Variants in CDH12 observed in about 807,000 individuals in gnomAD.
The protein encoded by CDH12 is cadherin-12.
CDH12 carries 41 observed loss-of-function variants against 74.1 expected under a neutral mutation model. The ratio of observed to expected loss-of-function variants is 0.55; its 90% CI spans 0.43 to 0.72. The LOEUF is 0.72. CDH12 is among the 30% of genes least tolerant of loss of function. CDH12 has a pLI of 0.00. For missense variants in CDH12, 945 were observed against 977.2 expected (o/e 0.97, Z 0.44); for synonymous variants, 399 against 355.0 (o/e 1.12, Z -1.39).
intron 1 of CDH12, among the ~76,000 whole-genome samples, chr5:22,532,350 G>GATATATATATAT (rs71609770): frequency 0.032 from 889 of 27,400 alleles, 180 homozygotes; most frequent in Middle Eastern, 0.044. Context: ...ATATAAATAG[G>GATATATATATAT]ATATATATAT....
intron 3 of CDH12, among the ~76,000 whole-genome samples, chr5:22,241,944 T>G (rs908489394): frequency 6.6e-6 from 1 of 152,130 alleles, no homozygotes; most frequent in Non-Finnish European, 1.5e-5. Flanking sequence ...AAATCATATA[T>G]GGAAAGGTTT....
At chr5:22,377,812 C>T (rs1000059276) in intron 3 of CDH12, among the ~76,000 whole-genome samples, 1 of 152,116 alleles carries the variant, frequency 6.6e-6, no homozygotes, top group African/African-American at 2.4e-5. Flanking sequence ...AAATTCCTAA[C>T]AGTAAAAACT....
chr5:21,978,924 C>A (rs1757185909), intron 5 of CDH12, among the ~76,000 whole-genome samples: 1 of 151,904 alleles, frequency 6.6e-6, no homozygotes, highest in African/African-American at 2.4e-5. Context: ...TCAAATATGT[C>A]AGCAATGGGA....
intron 1 of CDH12, among the ~76,000 whole-genome samples, chr5:22,794,276 G>T (rs1224606528): frequency 6.6e-6 from 1 of 152,178 alleles, no homozygotes. Context: ...CAGACAAGGA[G>T]GTGGATGACC....
In CDH12 at chr5:22,367,730, G is replaced by C. The variant is rs1032113160; in HGVS notation, c.-333+37527C>G. 2.4e-4 allele frequency among the ~76,000 whole-genome samples: 37 copies of C among 152,032 alleles called. 1 individual carries two copies. The highest frequency in any genetic ancestry group is 8.2e-4 in the African/African-American group (34 of 41,390). ...TATAGAAGCCCATTCCTCTCTAATA[G>C]TAGAGATAACACCTTTGTCTATTTT... On this transcript the variant is annotated intron_variant, in intron 3 of 14. Transcript: ENST00000382254.
intron 13 of CDH12, 75 bp downstream of exon 13, chr5:21,760,483 A>G: frequency 1.3e-6 from 1 of 741,442 alleles, no homozygotes; most frequent in Non-Finnish European, 2.4e-6. Context: ...TTCAAAGAAA[A>G]GTATTGATTC....
chr5:21,979,158 AC>A lies in CDH12; in HGVS notation c.232-3774del, dbSNP rs370648995. Among the ~76,000 whole-genome samples the A allele has an allele frequency of 7.6e-3, 1,165 of 152,316 alleles. 7 individuals carry two copies. Among genetic ancestry groups the A allele is most frequent in the Admixed American group, 0.012 (183 of 15,296 alleles). On this transcript the variant is annotated intron_variant, in intron 5 of 14. Transcript: ENST00000382254. ...TTTCTTTCCTTTGTAGCCATTTAAA[AC>A]TAACAGCTAGAAATATTTCTTCTTC...
intron 5 of CDH12, among the ~76,000 whole-genome samples, chr5:21,977,615 A>G (rs1337946973): frequency 6.6e-6 from 1 of 152,184 alleles, no homozygotes; most frequent in African/African-American, 2.4e-5. Flanking sequence ...TTCTGTATTT[A>G]GCTAAAATCA....
At chr5:22,489,884 T>C (rs892842421) in intron 2 of CDH12, among the ~76,000 whole-genome samples, 1 of 151,894 alleles carries the variant, frequency 6.6e-6, no homozygotes, top group Non-Finnish European at 1.5e-5. Flanking sequence ...TCTCCCTATG[T>C]TGCCCAGGCT....
At chr5:22,681,331 T>C (rs1741483301) in intron 1 of CDH12, among the ~76,000 whole-genome samples, 1 of 151,320 alleles carries the variant, frequency 6.6e-6, no homozygotes, top group Admixed American at 6.6e-5. Context: ...AATATGGGCA[T>C]GAGAGGGTAA....
At chr5:22,451,654 G>A (rs966413375) in intron 2 of CDH12, among the ~76,000 whole-genome samples, 1 of 151,938 alleles carries the variant, frequency 6.6e-6, no homozygotes, top group Non-Finnish European at 1.5e-5. Flanking sequence ...GATCTGGAAT[G>A]AGACAAGGAT....
intron 6 of CDH12, among the ~76,000 whole-genome samples, chr5:21,890,307 G>A (rs765653030): frequency 7.2e-5 from 11 of 151,966 alleles, no homozygotes; most frequent in Non-Finnish European, 1.5e-4. Context: ...CATATTGAAC[G>A]AATGAAACTC....
chr5:22,466,687 G>A (rs1745741860), intron 2 of CDH12, among the ~76,000 whole-genome samples: 1 of 148,452 alleles, frequency 6.7e-6, no homozygotes, highest in South Asian at 2.1e-4. Context: ...CTTATTTTCT[G>A]ACCTCTGCTA....
At chr5:22,357,132 T>G (rs970362781) in intron 3 of CDH12, among the ~76,000 whole-genome samples, 3 of 151,978 alleles carry the variant, frequency 2.0e-5, no homozygotes, top group Admixed American at 1.3e-4. Flanking sequence ...AGGAGAGAAA[T>G]TGATAGTACA....
chr5:22,322,843 C>A (rs1738941997), intron 3 of CDH12, among the ~76,000 whole-genome samples: 1 of 152,150 alleles, frequency 6.6e-6, no homozygotes, highest in South Asian at 2.1e-4. Flanking sequence ...TGTACAACTG[C>A]AAACTCAATT....
intron 1 of CDH12, among the ~76,000 whole-genome samples, chr5:22,631,476 C>T (rs1412359901): frequency 6.6e-6 from 1 of 151,998 alleles, no homozygotes; most frequent in Non-Finnish European, 1.5e-5. Context: ...GAGATTATGT[C>T]ATTTGCAGCA....
At chr5:22,452,063 T>A (rs1299323124) in intron 2 of CDH12, among the ~76,000 whole-genome samples, 1 of 151,566 alleles carries the variant, frequency 6.6e-6, no homozygotes, top group African/African-American at 2.4e-5. Flanking sequence ...ATTGAAAAAA[T>A]AAATTGAAAA....
At chr5:22,222,665 A>T (rs1447756137) in intron 3 of CDH12, among the ~76,000 whole-genome samples, 1 of 151,894 alleles carries the variant, frequency 6.6e-6, no homozygotes, top group African/African-American at 2.4e-5. Context: ...CATAATTTAT[A>T]TCTTCATTTA....
chr5:21,787,329 G>T (rs1024384083), intron 10 of CDH12, among the ~76,000 whole-genome samples: 2 of 152,102 alleles, frequency 1.3e-5, no homozygotes, highest in African/African-American at 4.8e-5. Flanking sequence ...TTAGTCAGTA[G>T]CCATCCAGTT....
Sources: allele counts gnomAD v4.1 joint callset (sites outside exome capture counted in the v4.1 genomes callset), GRCh38; gene constraint gnomAD v4.1.1; transcripts MANE v1.5; gene names NCBI Gene and HGNC (gene_info 2026-07-23, HGNC 2026-07-21).